Variants in HNF4G observed in about 807,000 individuals in gnomAD.
The protein encoded by HNF4G is hepatocyte nuclear factor 4 gamma.
A neutral mutation model predicts 50.9 loss-of-function variants in HNF4G; 21 were observed. That is an observed-to-expected ratio of 0.41 (90% CI 0.29 to 0.59). HNF4G has a LOEUF of 0.59. Among genes scored for constraint, HNF4G ranks in the 20% least tolerant of loss-of-function variants. The pLI is 0.26. For synonymous variants in HNF4G, 198 were observed against 185.6 expected, an observed-to-expected ratio of 1.07 and a Z score of -0.54; for missense variants, 527 against 559.4, an observed-to-expected ratio of 0.94 and a Z score of 0.58.
chr8:75,496,152 T>A (rs1812760856), intron 2 of HNF4G, among the ~76,000 whole-genome samples: 1 of 152,140 alleles, frequency 6.6e-6, no homozygotes, highest in Non-Finnish European at 1.5e-5. Flanking sequence ...ATAAGTAATA[T>A]GCAAAAAATT....
rs114403537 is a variant in HNF4G, at chr8:75,506,067, T to C, written c.-24+15859T>C. ...TTGCATTTTAAAAATCTGGGTACAC[T>C]TTTTAAAATGATTATGTCAGTAATT... On this transcript the variant is annotated intron_variant, in intron 2 of 10. Coordinates refer to the HNF4G transcript ENST00000354370. Among the ~76,000 whole-genome samples, 749 of 152,138 alleles carry C rather than the reference T, an allele frequency of 4.9e-3. 4 individuals carry two copies. The highest frequency in any genetic ancestry group is 0.018 in the African/African-American group (728 of 41,576).
In HNF4G at chr8:75,466,902, T is replaced by G. The variant is rs190331869; in HGVS notation, c.-143-23187T>G. ...TTTTGCCACGTGGCCCATTCTGGTC[T>G]TGAACTCCTGGGCTCAAGCAGTCTG... On this transcript the variant is annotated intron_variant, in intron 1 of 10. Transcript: ENST00000354370. Among the ~76,000 whole-genome samples the G allele has an allele frequency of 2.5e-3, 374 of 152,146 alleles. 1 individual carries two copies. The highest frequency in any genetic ancestry group is 8.6e-3 in the African/African-American group (358 of 41,526).
chr8:75,546,376 GTGTT>G (rs1308770004), intron 2 of HNF4G, among the ~76,000 whole-genome samples: 11 of 151,962 alleles, frequency 7.2e-5, no homozygotes, highest in South Asian at 2.1e-4. Context: ...TCTTTTTTAT[GTGTT>G]TGTTTGTTTG....
At chr8:75,438,987 C>A (rs1811207228) in intron 1 of HNF4G, among the ~76,000 whole-genome samples, 3 of 151,834 alleles carry the variant, frequency 2.0e-5, no homozygotes, top group Non-Finnish European at 4.4e-5. Flanking sequence ...CTCATTATTT[C>A]TTTGTAGTTG....
chr8:75,535,446 G>A (rs1806438420), upstream of HNF4G, among the ~76,000 whole-genome samples: 1 of 151,498 alleles, frequency 6.6e-6, no homozygotes, highest in East Asian at 1.9e-4. Flanking sequence ...TTCACTTAAT[G>A]GTTTCCTGCT....
upstream of HNF4G, among the ~76,000 whole-genome samples, chr8:75,535,564 A>G (rs528230012): frequency 6.6e-6 from 1 of 151,984 alleles, no homozygotes; most frequent in Admixed American, 6.6e-5. Context: ...ATATGAAAAC[A>G]ACAAGAACTA....
intron 1 of HNF4G, among the ~76,000 whole-genome samples, chr8:75,434,090 G>A (rs1049051324): frequency 1.5e-5 from 2 of 134,818 alleles, no homozygotes; most frequent in East Asian, 4.5e-4. Context: ...TACAACCTCC[G>A]CTTCCCAGGT....
chr8:75,433,244 A>G (rs1014835547), intron 1 of HNF4G, among the ~76,000 whole-genome samples: 2 of 151,994 alleles, frequency 1.3e-5, no homozygotes, highest in African/African-American at 4.8e-5. Flanking sequence ...TTTGCAGAAG[A>G]GAAAAAGAAA....
intron 1 of HNF4G, among the ~76,000 whole-genome samples, chr8:75,453,758 A>G (rs1183113798): frequency 6.6e-6 from 1 of 152,118 alleles, no homozygotes; most frequent in Non-Finnish European, 1.5e-5. Flanking sequence ...CTTCGTGAGC[A>G]AGTTATTTCA....
chr8:75,498,037 A>T (rs1231222097), intron 2 of HNF4G, among the ~76,000 whole-genome samples: 1 of 152,158 alleles, frequency 6.6e-6, no homozygotes, highest in Non-Finnish European at 1.5e-5. Flanking sequence ...AAGTTCCACC[A>T]TAGAATCCCT....
upstream of HNF4G, among the ~76,000 whole-genome samples, chr8:75,536,535 G>T (rs957477436): frequency 2.0e-5 from 3 of 151,880 alleles, no homozygotes; most frequent in Non-Finnish European, 4.4e-5. Flanking sequence ...CATCATGAAA[G>T]GCTGCTTGGC....
At chr8:75,412,972 T>C (rs569228389) in intron 1 of HNF4G, among the ~76,000 whole-genome samples, 1 of 152,134 alleles carries the variant, frequency 6.6e-6, no homozygotes, top group South Asian at 2.1e-4. Context: ...TACATTTAGC[T>C]TGAGTAGCCT....
intron 1 of HNF4G, among the ~76,000 whole-genome samples, chr8:75,422,510 A>C (rs1396596267): frequency 6.6e-6 from 1 of 152,252 alleles, no homozygotes; most frequent in Non-Finnish European, 1.5e-5. Flanking sequence ...TATCAAAGTA[A>C]ATATATTAAC....
At chr8:75,463,574 A>C (rs536140044) in intron 1 of HNF4G, among the ~76,000 whole-genome samples, 1 of 152,162 alleles carries the variant, frequency 6.6e-6, no homozygotes, top group East Asian at 1.9e-4. Context: ...TTTACAACTG[A>C]AAATAATATG....
At chr8:75,553,444 G>A (rs1048990455) in intron 5 of HNF4G, among the ~76,000 whole-genome samples, 38 of 152,236 alleles carry the variant, frequency 2.5e-4, no homozygotes, top group African/African-American at 9.1e-4. Flanking sequence ...ACACTCCTCT[G>A]CCCTTTTGGA....
intron 1 of HNF4G, among the ~76,000 whole-genome samples, chr8:75,412,764 T>C (rs889792154): frequency 1.8e-4 from 27 of 152,092 alleles, no homozygotes; most frequent in African/African-American, 5.8e-4. Flanking sequence ...TAGTTACAGG[T>C]TCCAAATAAA....
intron 1 of HNF4G, among the ~76,000 whole-genome samples, chr8:75,466,497 C>T (rs1811975171): frequency 6.6e-6 from 1 of 150,942 alleles, no homozygotes; most frequent in East Asian, 2.0e-4. Context: ...TCTGTCCCTT[C>T]CTCCCTCTCT....
At chr8:75,546,290 A>G (rs1261266335) in intron 2 of HNF4G, among the ~76,000 whole-genome samples, 3 of 152,134 alleles carry the variant, frequency 2.0e-5, no homozygotes, top group African/African-American at 7.2e-5. Context: ...TTGTAAATTA[A>G]TGTTACTTAA....
chr8:75,488,144 G>A (rs1209295222), intron 1 of HNF4G, among the ~76,000 whole-genome samples: 5 of 152,130 alleles, frequency 3.3e-5, no homozygotes, highest in Non-Finnish European at 5.9e-5. Context: ...TTGAGGGTAG[G>A]AACCATGCTT....
Sources: gnomAD v4.1 joint callset for allele counts (sites outside exome capture counted in the v4.1 genomes callset) on GRCh38, gnomAD v4.1.1 for gene constraint, MANE v1.5 for transcripts, NCBI Gene and HGNC (gene_info 2026-07-23, HGNC 2026-07-21) for gene names.